The following HSP90AA1 variants were observed in gnomAD, a reference collection of about 807,000 sequenced individuals.
HSP90AA1 encodes heat shock protein 90 alpha family class A member 1, also known as heat shock protein HSP 90-alpha.
HSP90AA1 carries 18 observed loss-of-function variants against 73.3 expected under a neutral mutation model. The ratio of observed to expected loss-of-function variants is 0.25; its 90% CI spans 0.17 to 0.36. The LOEUF (loss-of-function observed/expected upper bound fraction) is 0.36. Among genes scored for constraint, HSP90AA1 ranks in the 10% least tolerant of loss-of-function variants. The pLI is 1.00. For missense variants in HSP90AA1, 704 were observed against 874.2 expected (o/e 0.81, Z 2.45); for synonymous variants, 477 against 296.9 (o/e 1.61, Z -6.24).
At chr14:102,085,617 C>G in intron 3 of HSP90AA1, 141 bp downstream of exon 3, 2 of 1,350,914 alleles carry the variant, frequency 1.5e-6, no homozygotes, top group Admixed American at 3.6e-5. Flanking sequence ...CATGCCATTA[C>G]ACTAATTAAG....
intron 1 of HSP90AA1, among the ~76,000 whole-genome samples, chr14:102,121,404 C>T (rs781648886): frequency 1.3e-5 from 2 of 152,112 alleles, no homozygotes; most frequent in African/African-American, 2.4e-5. Context: ...AATCTTTGTA[C>T]ATTTATGCGG....
chr14:102,094,249 G>A lies in HSP90AA1; in HGVS notation c.366+7626C>T, dbSNP rs1180039075. Among the ~76,000 whole-genome samples the A allele has an allele frequency of 2.0e-5, 3 of 152,254 alleles. No individual in the cohort carries two copies. The South Asian group carries it at 6.2e-4, about 32-fold the overall frequency. ...TCCCACTGTTGGCAGCACTGAGTGC[G>A]GCTGAAAAAAAATGTCTGGCCACAT... On this transcript the variant is annotated intron_variant, in intron 2 of 11. Transcript: ENST00000334701.
At chr14:102,091,774 G>A (rs1253713377), upstream of HSP90AA1, among the ~76,000 whole-genome samples, 1 of 151,978 alleles carries the variant, frequency 6.6e-6, no homozygotes, top group Admixed American at 6.5e-5. Context: ...CCACAGGCAT[G>A]TGCCACCACA....
chr14:102,124,987 T>G (rs1226994126), intron 1 of HSP90AA1, among the ~76,000 whole-genome samples: 1 of 152,156 alleles, frequency 6.6e-6, no homozygotes, highest in Non-Finnish European at 1.5e-5. Flanking sequence ...GTGCCCACAT[T>G]CATAATCTTT....
intron 2 of HSP90AA1, among the ~76,000 whole-genome samples, chr14:102,095,060 T>C (rs1168976194): frequency 1.3e-5 from 2 of 152,226 alleles, no homozygotes; most frequent in Non-Finnish European, 2.9e-5. Context: ...TTGCCAATGG[T>C]TCAGTGTCAC....
At chr14:102,134,205 G>A (rs1221347476) in intron 1 of HSP90AA1, among the ~76,000 whole-genome samples, 1 of 151,130 alleles carries the variant, frequency 6.6e-6, no homozygotes, top group Non-Finnish European at 1.5e-5. Context: ...GGGCACGGTG[G>A]CACATGCCTG....
At chr14:102,137,616 C>G (rs2050025058) in intron 1 of HSP90AA1, among the ~76,000 whole-genome samples, 1 of 152,092 alleles carries the variant, frequency 6.6e-6, no homozygotes, top group Non-Finnish European at 1.5e-5. Flanking sequence ...AGCCAACACG[C>G]CCAGCCATTC....
intron 1 of HSP90AA1, among the ~76,000 whole-genome samples, chr14:102,117,559 C>T (rs2049722978): frequency 6.6e-6 from 1 of 152,026 alleles, no homozygotes; most frequent in African/African-American, 2.4e-5. Context: ...AGGAGCTGAA[C>T]ACCCCCCAGC....
At chr14:102,130,982 G>A (rs923772053) in intron 1 of HSP90AA1, among the ~76,000 whole-genome samples, 6 of 152,112 alleles carry the variant, frequency 3.9e-5, no homozygotes, top group African/African-American at 9.7e-5. Flanking sequence ...GCCTCCCAAG[G>A]TATTGGGATT....
chr14:102,087,947 TTTTC>T (rs2049288491), upstream of HSP90AA1, among the ~76,000 whole-genome samples: 6 of 124,014 alleles, frequency 4.8e-5, no homozygotes, highest in East Asian at 4.2e-4. Context: ...TTTTTTTTTT[TTTTC>T]TTTTTTTTTT....
intron 1 of HSP90AA1, among the ~76,000 whole-genome samples, chr14:102,133,741 C>G (rs2049939755): frequency 6.6e-6 from 1 of 152,102 alleles, no homozygotes. Context: ...CCTCAGCCTC[C>G]CAAAGTGCTG....
chr14:102,134,718 G>A (rs149763549), intron 1 of HSP90AA1, among the ~76,000 whole-genome samples: 2,734 of 152,234 alleles, frequency 0.018, 86 homozygotes, highest in African/African-American at 0.063. Context: ...GCAAATCTTC[G>A]CGGTGAGTGT....
chr14:102,098,905 T>G (rs2049459613), intron 2 of HSP90AA1, among the ~76,000 whole-genome samples: 1 of 152,222 alleles, frequency 6.6e-6, no homozygotes, highest in Non-Finnish European at 1.5e-5. Context: ...TATCTTAATG[T>G]AGTTCTAAAC....
At position 102,084,035 on chromosome 14, in the gene HSP90AA1, T is replaced by C. The variant is rs2049160545; in HGVS notation, c.1148-52A>G. ...TGAGTCATTCCAAGGACAAAACTGGTACTATGTAAACTCCCAAAATCAAAG... is the reference window on the plus strand; with the variant it reads ...TGAGTCATTCCAAGGACAAAACTGGCACTATGTAAACTCCCAAAATCAAAG... On this transcript the variant is annotated intron_variant, in intron 6 of 10. Transcript: ENST00000216281. 3.0e-6 allele frequency: 4 copies of C among 1,353,314 alleles called. No individual in the cohort carries two copies. In the African/African-American group the frequency reaches 4.3e-5, roughly 15 times the overall value. 83.8% of individuals were successfully genotyped at this position (1,353,314 alleles called of 1,614,324 possible).
chr14:102,087,505 G>A (rs965787924), upstream of HSP90AA1, among the ~76,000 whole-genome samples: 22 of 152,032 alleles, frequency 1.4e-4, no homozygotes, highest in Non-Finnish European at 2.8e-4. Flanking sequence ...AGGGAGGGTC[G>A]TGCGTGGACG....
At chr14:102,122,959 C>T (rs1462030085) in intron 1 of HSP90AA1, among the ~76,000 whole-genome samples, 1 of 151,910 alleles carries the variant, frequency 6.6e-6, no homozygotes, top group Admixed American at 6.6e-5. Context: ...TGAGCCACTG[C>T]GCCCAGCCAA....
intron 2 of HSP90AA1, among the ~76,000 whole-genome samples, chr14:102,100,701 AGGCGT>A (rs747587095): frequency 6.6e-5 from 10 of 152,236 alleles, no homozygotes; most frequent in Non-Finnish European, 1.2e-4. Flanking sequence ...CTGGGATTAC[AGGCGT>A]GAGCCACCAT....
intron 5 of HSP90AA1, 39 bp downstream of exon 5, chr14:102,084,642 A>T: frequency 1.2e-6 from 2 of 1,614,124 alleles, no homozygotes; most frequent in Non-Finnish European, 1.7e-6. Flanking sequence ...GAAAGATGAT[A>T]ATCTAAGGAC....
upstream of HSP90AA1, among the ~76,000 whole-genome samples, chr14:102,090,740 A>C (rs756038682): frequency 3.9e-5 from 6 of 152,192 alleles, no homozygotes; most frequent in East Asian, 1.9e-4. Context: ...CGTGAGCCAC[A>C]GTGCCTGGCC....
Sources: allele counts gnomAD v4.1 joint callset (sites outside exome capture counted in the v4.1 genomes callset), GRCh38; gene constraint gnomAD v4.1.1; transcripts MANE v1.5; gene names NCBI Gene and HGNC (gene_info 2026-07-23, HGNC 2026-07-21).